INCENP: variants seen among roughly 807,000 people sequenced by gnomAD.
INCENP encodes binds and activates aurora-B and -C in vivo and in vitro.
In INCENP, 43 loss-of-function variants were observed where a neutral mutation model predicts 107.3. That is an observed-to-expected ratio of 0.40 (90% CI 0.31 to 0.52). INCENP has a LOEUF of 0.52. Ranked by LOEUF, INCENP falls within the 20% of genes least tolerant of loss-of-function variation. The pLI, the probability that INCENP is intolerant of heterozygous loss-of-function variation, is 0.53. For missense variants in INCENP, 1,089 were observed against 1,250.9 expected, an observed-to-expected ratio of 0.87 and a Z score of 1.95; for synonymous variants, 488 against 494.4, an observed-to-expected ratio of 0.99 and a Z score of 0.17.
chr11:62,141,748 G>A (rs1027423052), intron 11 of INCENP: 1 of 609,674 alleles, frequency 1.6e-6, no homozygotes, highest in African/African-American at 1.9e-5. Context: ...GAGGAAGCAA[G>A]GGGGTGTGGC....
At chr11:62,144,655 A>C in intron 11 of INCENP, 1 of 603,782 alleles carries the variant, frequency 1.7e-6, no homozygotes, top group Non-Finnish European at 3.2e-6. Context: ...TTTCTTTTTC[A>C]ATGCACAGTT....
At position 62,144,968 on chromosome 11, in the gene INCENP, C is replaced by A; in HGVS notation, c.1606-14C>A. On this transcript the variant is annotated splice_polypyrimidine_tract_variant and intron_variant, in intron 11 of 18. Coordinates refer to ENST00000394818, the MANE Select transcript of INCENP (RefSeq NM_001040694.2). Reference sequence around the variant, plus strand: ...TTGCTCATGTCCCATCTCCCTCGCTCCCCGCCACCCCAGGAGAAGGAGCGG... The same window carrying A: ...TTGCTCATGTCCCATCTCCCTCGCTACCCGCCACCCCAGGAGAAGGAGCGG... The A allele has an allele frequency of 6.3e-7, 1 of 1,586,164 alleles. No homozygotes were observed. The highest frequency in any genetic ancestry group is 8.6e-7 in the Non-Finnish European group (1 of 1,167,920).
chr11:62,141,033 A>G lies in INCENP; in HGVS notation c.1582A>G (p.Met528Val), dbSNP rs770136985. Reference protein sequence around the residue: ...SFIKRNTPLRMDPKCSFVEKE... With the variant: ...SFIKRNTPLRVDPKCSFVEKE... ...TATTAAGCGCAACACTCCCCTGCGC[A>G]TGGACCCCAAGGTGAGGGGCCTGTG... The change falls in exon 10 of 19, where the codon ATG becomes GTG. Residue 528 changes from methionine to valine, a missense_variant. Physicochemically the swap from Met to Val is conservative, Grantham distance 21 (BLOSUM62 1). Transcript: ENST00000394818. 2.0e-5 allele frequency: 32 copies of G among 1,613,436 alleles called. No individual in the cohort carries two copies. The highest frequency in any genetic ancestry group is 2.7e-5 in the African/African-American group (2 of 74,918).
chr11:62,137,440 C>G (rs867700257), intron 4 of INCENP, among the ~76,000 whole-genome samples: 9 of 152,326 alleles, frequency 5.9e-5, no homozygotes, highest in Non-Finnish European at 1.3e-4. Flanking sequence ...GGGCCTGGCC[C>G]AGGTCCCAGT....
intron 15 of INCENP, 44 bp downstream of exon 15, chr11:62,146,946 G>A (rs761691992): frequency 1.3e-6 from 2 of 1,592,378 alleles, no homozygotes; most frequent in South Asian, 1.1e-5. Flanking sequence ...CATGTGTGTG[G>A]AAGAGAGACG....
chr11:62,136,805 GGGCTGA>G (rs1166425863), intron 4 of INCENP, among the ~76,000 whole-genome samples: 1 of 152,174 alleles, frequency 6.6e-6, no homozygotes, highest in Non-Finnish European at 1.5e-5. Context: ...GCCTTGACTG[GGGCTGA>G]GGCTTCAGCA....
Position 62,128,270 on chromosome 11 carries a change from A to G in INCENP, c.109A>G (p.Ile37Val), listed in dbSNP as rs1413043767. ...DNKDLVWLEE[I>V]QEEAERMFTR... ...TAAGGACTTGGTGTGGCTTGAGGAA[A>G]TCCAAGAGGAGGCCGAGCGCATGTT... The change falls in exon 2 of 19, where the codon ATC (isoleucine) becomes GTC (valine). Residue 37 changes from isoleucine (I) to valine (V), a missense_variant. Physicochemically the swap from Ile to Val is conservative, Grantham distance 29. Transcript: ENST00000394818. 6.2e-7 allele frequency: 1 copy of G among 1,613,968 alleles called. No individual in the cohort carries two copies. The highest frequency in any genetic ancestry group is 1.7e-5 in the Admixed American group (1 of 59,990).
rs1355984965 is a variant in INCENP at position 62,128,308 on chromosome 11, A to T, written c.140+7A>T. On this transcript the variant is annotated splice_region_variant and intron_variant, in intron 2 of 18. Transcript: ENST00000394818. ...CCGAGCGCATGTTCACCAGGTGAAG[A>T]CGGGCACAGTGAGAGGCTGGGAACA... 1 of 1,613,896 alleles carries T rather than the reference A, an allele frequency of 6.2e-7. No individual in the cohort carries two copies. Among genetic ancestry groups the T allele is most frequent in the Non-Finnish European group, 8.5e-7 (1 of 1,180,014 alleles).
rs769844773 is a variant in INCENP at position 62,140,928 on chromosome 11, C to T, written c.1477C>T (p.Arg493Trp). 16 of 1,614,212 alleles carry T rather than the reference C, an allele frequency of 9.9e-6. No homozygotes were observed. Among genetic ancestry groups the T allele is most frequent in the Admixed American group, 6.7e-5 (4 of 60,030 alleles). The change falls in exon 10 of 19, where the codon CGG (arginine) becomes TGG (tryptophan). Residue 493 changes from arginine to tryptophan, a missense_variant. Physicochemically the swap from Arg to Trp is moderately radical, Grantham distance 101. Transcript: ENST00000394818. Reference sequence around the variant, plus strand: ...TCGTCTGCAGGTGGTACGGCCCCTCCGGACCTTTCTGCACACAGTGCAGAG... The same window carrying T: ...TCGTCTGCAGGTGGTACGGCCCCTCTGGACCTTTCTGCACACAGTGCAGAG... ...CPASKVVRPL[R>W]TFLHTVQRNQ...
At position 62,138,884 on chromosome 11, in the gene INCENP, A is replaced by T; in HGVS notation, c.1174-4A>T. ...GACCCCTAAAGCCTTGGTTCTTTCC[A>T]CAGGTCCCTGAGAACAATGGAAATA... On this transcript the variant is annotated splice_region_variant and splice_polypyrimidine_tract_variant and intron_variant, in intron 6 of 18. Coordinates refer to ENST00000394818, the MANE Select transcript of INCENP (RefSeq NM_001040694.2). The T allele has an allele frequency of 6.2e-7, 1 of 1,611,282 alleles. No homozygotes were observed. Among genetic ancestry groups the T allele is most frequent in the Non-Finnish European group, 8.5e-7 (1 of 1,177,418 alleles).
chr11:62,128,367 A>T, intron 2 of INCENP, 66 bp downstream of exon 2: 2 of 1,580,540 alleles, frequency 1.3e-6, no homozygotes, highest in African/African-American at 1.3e-5. Context: ...GGTCTTGGGG[A>T]CACAACAGCC....
intron 18 of INCENP, 87 bp downstream of exon 18, chr11:62,150,294 C>CGGTGTTGGGAGGCTGCCGT: frequency 1.4e-6 from 2 of 1,435,372 alleles, no homozygotes; most frequent in Non-Finnish European, 9.6e-7. Context: ...TTGGCTGCTG[C>CGGTGTTGGGAGGCTGCCGT]GGTGTTGGGA....
At chr11:62,145,889 C>T (rs1163166112) in intron 14 of INCENP, 138 bp downstream of exon 14, 12 of 1,093,244 alleles carry the variant, frequency 1.1e-5, no homozygotes, top group South Asian at 1.7e-5. Flanking sequence ...AAGGAGGTTT[C>T]CCAGAAGTCT....
In INCENP at chr11:62,140,261, C is replaced by G. The variant is rs1333642539; in HGVS notation, c.1319C>G (p.Pro440Arg). ...QEAKTDQADG[P>R]REPPQSARRK... is the part of the protein sequence containing the mutation. ...GCCAAGACGGACCAAGCAGATGGAC[C>G]CAGAGAGCCACCGCAGAGTGCCAGG... Residue 440 changes from proline (P) to arginine (R), a missense_variant, in exon 8 of 19, where the codon CCC (proline) becomes CGC (arginine). Pro to Arg is a moderately radical substitution (Grantham distance 103). Transcript: ENST00000394818. 1.2e-6 allele frequency: 2 copies of G among 1,613,512 alleles called. No individual in the cohort carries two copies. The highest frequency in any genetic ancestry group is 1.7e-5 in the Admixed American group (1 of 59,962).
At position 62,130,539 on chromosome 11, in the gene INCENP, A is replaced by C. The variant is rs755462381; in HGVS notation, c.1012A>C (p.Arg338=). 2 of 1,613,742 alleles carry C rather than the reference A, an allele frequency of 1.2e-6. No homozygotes were observed. The highest frequency in any genetic ancestry group is 1.3e-5 in the African/African-American group (1 of 74,908). ...AAGTGTTGTCCGCAGGGCGAGCAGA[A>C]GGCTTGCCAAGAAGACTGCCGAAGA... The part of the protein sequence containing the change: ...QESVVRRASR[R]LAKKTAEEPA... Residue 338 remains arginine (R), a synonymous_variant, in exon 4 of 19, where the codon AGG becomes CGG. Transcript: ENST00000394818.
chr11:62,138,081 C>T, intron 5 of INCENP, 198 bp downstream of exon 5: 6 of 612,974 alleles, frequency 9.8e-6, no homozygotes, highest in South Asian at 3.8e-5. Context: ...TTGCAGCACC[C>T]GTCAGCGTTG....
rs548960989 is a variant in INCENP, at chr11:62,140,479, C to T, written c.1343+194C>T. ...GAGCGCAAACCTGGGAATAGGGCGACCCGATTGTTGACCCCGTCTTAGTGT... is the reference window on the plus strand; with the variant it reads ...GAGCGCAAACCTGGGAATAGGGCGATCCGATTGTTGACCCCGTCTTAGTGT... On this transcript the variant is annotated intron_variant, in intron 8 of 18. Coordinates refer to ENST00000394818, the MANE Select transcript of INCENP (RefSeq NM_001040694.2). Among the ~76,000 whole-genome samples, 5 of 152,254 alleles carry T rather than the reference C, an allele frequency of 3.3e-5. No individual in the cohort carries two copies. In the South Asian group the frequency reaches 1.0e-3, roughly 32 times the overall value.
At chr11:62,127,163 A>G (rs1355805503) in intron 1 of INCENP, among the ~76,000 whole-genome samples, 1 of 151,822 alleles carries the variant, frequency 6.6e-6, no homozygotes, top group Non-Finnish European at 1.5e-5. Context: ...CAGCCTCCCA[A>G]GTAGCTGGGA....
intron 4 of INCENP, among the ~76,000 whole-genome samples, chr11:62,131,308 G>A (rs1590608160): frequency 6.6e-6 from 1 of 152,188 alleles, no homozygotes; most frequent in African/African-American, 2.4e-5. Flanking sequence ...TCACTTCAAA[G>A]GGTCGTTGTG....
Sources: gnomAD v4.1 joint callset for allele counts (sites outside exome capture counted in the v4.1 genomes callset) on GRCh38, gnomAD v4.1.1 for gene constraint, MANE v1.5 for transcripts, NCBI Gene and HGNC (gene_info 2026-07-23, HGNC 2026-07-21) for gene names.